Variants in SCLT1 observed in about 807,000 individuals in gnomAD.
The protein encoded by SCLT1 is sodium channel-associated protein 1.
Under a neutral mutation model 112.8 loss-of-function variants are expected in SCLT1, and 78 were observed. The ratio of observed to expected loss-of-function variants is 0.69; its 90% confidence interval spans 0.58 to 0.83. The LOEUF is 0.83. Among genes scored for constraint, SCLT1 ranks in the 40% least tolerant of loss-of-function variants. The pLI, the probability that SCLT1 is intolerant of heterozygous loss-of-function variation, is 0.00. For synonymous variants in SCLT1, 257 were observed against 254.7 expected, an observed-to-expected ratio of 1.01 and a Z score of -0.09; for missense variants, 747 against 770.4, an observed-to-expected ratio of 0.97 and a Z score of 0.36.
At chr4:128,910,991 C>T (rs1214627177) in intron 18 of SCLT1, among the ~76,000 whole-genome samples, 2 of 152,110 alleles carry the variant, frequency 1.3e-5, no homozygotes, top group Non-Finnish European at 2.9e-5. Flanking sequence ...AGGCCAGGTG[C>T]GGTGGCTCAC....
At chr4:129,085,595 A>G (rs1168382106) in intron 1 of SCLT1, among the ~76,000 whole-genome samples, 1 of 152,224 alleles carries the variant, frequency 6.6e-6, no homozygotes, top group African/African-American at 2.4e-5. Flanking sequence ...CCACAAGAGT[A>G]AAGACATGAA....
At position 128,936,690 on chromosome 4, in the gene SCLT1, A is replaced by G. The variant is rs1224774814; in HGVS notation, c.1794T>C (p.Leu598=). Residue 598 remains leucine (L), a synonymous_variant, in exon 18 of 21, where the codon CTT becomes CTC. Transcript: ENST00000281142. Reference sequence around the variant, plus strand: ...TGATTCTAATTTCTGCACTTTCAGTAAGTTTCTTCGTTTCTTCTTTCCACC... The same window carrying G: ...TGATTCTAATTTCTGCACTTTCAGTGAGTTTCTTCGTTTCTTCTTTCCACC... ...ANRWKEETKK[L]TESAEIRINN... 2 of 1,604,378 alleles carry G rather than the reference A, an allele frequency of 1.2e-6. No homozygotes were observed. Among genetic ancestry groups the G allele is most frequent in the East Asian group, 4.5e-5 (2 of 44,738 alleles).
At chr4:128,970,347 G>A (rs148074796) in intron 10 of SCLT1, 31 bp downstream of exon 10, 1 of 1,149,360 alleles carries the variant, frequency 8.7e-7, no homozygotes, top group Non-Finnish European at 1.3e-6. Flanking sequence ...CTAAGCAATA[G>A]GTACCCATTT....
intron 5 of SCLT1, among the ~76,000 whole-genome samples, chr4:129,027,890 A>C (rs1746276501): frequency 6.6e-6 from 1 of 152,190 alleles, no homozygotes; most frequent in Non-Finnish European, 1.5e-5. Flanking sequence ...TAACAGACAA[A>C]CAGAGAGCCA....
chr4:128,942,012 T>A (rs1310111695), intron 17 of SCLT1, among the ~76,000 whole-genome samples: 2 of 152,122 alleles, frequency 1.3e-5, no homozygotes, highest in African/African-American at 4.8e-5. Flanking sequence ...TGATTATTCT[T>A]ATGTTGATAA....
rs76457490 is a variant in SCLT1, at chr4:128,950,714, T to C, written c.1218+2055A>G. On this transcript the variant is annotated intron_variant, in intron 14 of 20. Transcript: ENST00000281142. The stretch of plus-strand genomic sequence containing the variant: ...CAATAAAAGACAGTGTAAATCCTCA[T>C]GTATTTAGAAACTAAAAAAAAGACT... Among the ~76,000 whole-genome samples the C allele has an allele frequency of 9.9e-5, 15 of 152,214 alleles. No individual in the cohort carries two copies. The East Asian group carries it at 2.9e-3, about 29-fold the overall frequency.
At chr4:129,011,576 C>A (rs1021090041) in intron 5 of SCLT1, among the ~76,000 whole-genome samples, 1 of 108,558 alleles carries the variant, frequency 9.2e-6, no homozygotes, top group Non-Finnish European at 2.4e-5. Context: ...CTTAGGAATA[C>A]CTAAGCATTT....
intron 10 of SCLT1, among the ~76,000 whole-genome samples, chr4:128,969,817 C>T (rs544711415): frequency 6.6e-6 from 1 of 152,126 alleles, no homozygotes; most frequent in Non-Finnish European, 1.5e-5. Flanking sequence ...TGGGAGGGTT[C>T]TTGTAACACT....
intron 2 of SCLT1, among the ~76,000 whole-genome samples, chr4:129,065,923 A>C (rs1255891700): frequency 6.6e-6 from 1 of 152,070 alleles, no homozygotes. Context: ...GTAACCAGAC[A>C]CTGAACAAGC....
At chr4:128,890,112 A>G (rs540670232) in intron 19 of SCLT1, among the ~76,000 whole-genome samples, 1 of 152,302 alleles carries the variant, frequency 6.6e-6, no homozygotes, top group Non-Finnish European at 1.5e-5. Flanking sequence ...AAACGGGGGA[A>G]AAAATTCCAT....
At chr4:128,943,278 T>C in intron 16 of SCLT1, 90 bp from the exon 17 acceptor site, 1 of 912,708 alleles carries the variant, frequency 1.1e-6, no homozygotes, top group East Asian at 2.7e-5. Flanking sequence ...ACATGGACTT[T>C]TGTTTGCTTT....
chr4:128,952,756 T>G lies in SCLT1; in HGVS notation c.1218+13A>C. The stretch of plus-strand genomic sequence containing the variant: ...TAATATTTGGAAGAAAATATCAGTA[T>G]AGTCAAACATACCATTTGAAGGGCT... On this transcript the variant is annotated intron_variant, in intron 14 of 20. Transcript: ENST00000281142. 7.6e-7 allele frequency: 1 copy of G among 1,322,198 alleles called. No homozygotes were observed. The highest frequency in any genetic ancestry group is 1.1e-6 in the Non-Finnish European group (1 of 914,256). 81.9% of individuals were successfully genotyped at this position (1,322,198 alleles called of 1,614,324 possible). A position where few individuals can be genotyped will look rare whatever the true frequency, so the allele number is the denominator to read the frequency against.
intron 3 of SCLT1, among the ~76,000 whole-genome samples, chr4:128,877,076 G>T (rs1732538786): frequency 6.6e-6 from 1 of 152,154 alleles, no homozygotes; most frequent in African/African-American, 2.4e-5. Context: ...CTTGCCAATG[G>T]TATCTCCATA....
rs372590717 is a variant in SCLT1 at position 129,028,065 on chromosome 4, C to G, written c.290+10976G>C. 4.6e-5 allele frequency among the ~76,000 whole-genome samples: 7 copies of G among 152,126 alleles called. No homozygotes were observed. In the East Asian group the frequency reaches 1.4e-3, roughly 29 times the overall value. ...TGGAAGAACATTCCATGCTCATGGG[C>G]AGGAAGAATCAATATTGTGAAAATG... On this transcript the variant is annotated intron_variant, in intron 5 of 20. Transcript: ENST00000281142.
Position 128,925,526 on chromosome 4 carries a change from G to A in SCLT1, c.1829+11129C>T, listed in dbSNP as rs111651955. Among the ~76,000 whole-genome samples, 464 of 152,134 alleles carry A rather than the reference G, an allele frequency of 3.0e-3. 2 individuals carry two copies. Among genetic ancestry groups the A allele is most frequent in the African/African-American group, 0.011 (439 of 41,468 alleles). On this transcript the variant is annotated intron_variant, in intron 18 of 20. Coordinates refer to ENST00000281142, the MANE Select transcript of SCLT1 (RefSeq NM_144643.4). The stretch of plus-strand genomic sequence containing the variant: ...TTTAGCAGAGATGGGGTTTCACCAT[G>A]TTGGCCAGGCTGGTCTCGAACTCCT...
At chr4:129,009,149 G>T (rs1346660751) in intron 5 of SCLT1, among the ~76,000 whole-genome samples, 1 of 152,152 alleles carries the variant, frequency 6.6e-6, no homozygotes. Flanking sequence ...CTTTATGGTA[G>T]AATGATTTCT....
chr4:129,044,516 T>C (rs3113490), intron 2 of SCLT1, among the ~76,000 whole-genome samples: 100,350 of 151,472 alleles, frequency 0.66, 35,756 homozygotes, highest in South Asian at 0.83. Context: ...GAAAATGTAA[T>C]CAAAAAAAAT....
intron 1 of SCLT1, among the ~76,000 whole-genome samples, chr4:129,086,878 A>G (rs1413999139): frequency 6.6e-6 from 1 of 152,142 alleles, no homozygotes; most frequent in African/African-American, 2.4e-5. Flanking sequence ...CAACTTGAAT[A>G]GGACTTCTGC....
chr4:128,892,993 A>C (rs1733446703), intron 18 of SCLT1, among the ~76,000 whole-genome samples: 1 of 152,242 alleles, frequency 6.6e-6, no homozygotes, highest in Non-Finnish European at 1.5e-5. Context: ...AAAGAATGAT[A>C]AACAAAATGA....
Sources: allele counts gnomAD v4.1 joint callset (sites outside exome capture counted in the v4.1 genomes callset), GRCh38; gene constraint gnomAD v4.1.1; transcripts MANE v1.5; gene names NCBI Gene and HGNC (gene_info 2026-07-23, HGNC 2026-07-21).